Variants in TTLL5 observed in about 807,000 individuals in gnomAD.
The protein encoded by TTLL5 is tubulin tyrosine ligase like 5.
TTLL5 carries 132 observed loss-of-function variants against 168.4 expected under a neutral mutation model. That is an observed-to-expected ratio of 0.78 (90% CI 0.68 to 0.91). TTLL5 has a LOEUF of 0.91. TTLL5 is among the 40% of genes least tolerant of loss of function. TTLL5 has a pLI of 0.00. For synonymous variants in TTLL5, 546 were observed against 558.6 expected, an observed-to-expected ratio of 0.98 and a Z score of 0.32; for missense variants, 1,545 against 1,581.5, an observed-to-expected ratio of 0.98 and a Z score of 0.39.
chr14:75,876,639 G>A (rs74067054), intron 29 of TTLL5, among the ~76,000 whole-genome samples: 2,674 of 152,314 alleles, frequency 0.018, 75 homozygotes, highest in African/African-American at 0.061. Context: ...TCCTATTGGA[G>A]TCGTAGTACT....
chr14:75,707,751 A>G (rs772590814), intron 9 of TTLL5, 44 bp downstream of exon 9: 1 of 1,413,048 alleles, frequency 7.1e-7, no homozygotes, highest in Non-Finnish European at 1.0e-6. Flanking sequence ...GGGTATATTA[A>G]GGGTGGGTAT....
At chr14:75,699,770 C>G (rs1886130340) in intron 7 of TTLL5, among the ~76,000 whole-genome samples, 1 of 152,096 alleles carries the variant, frequency 6.6e-6, no homozygotes, top group Admixed American at 6.6e-5. Flanking sequence ...CATTTCTCCT[C>G]TTTTTTCAAA....
intron 31 of TTLL5, among the ~76,000 whole-genome samples, chr14:75,921,652 G>A (rs2033828257): frequency 6.6e-6 from 1 of 152,200 alleles, no homozygotes; most frequent in Non-Finnish European, 1.5e-5. Flanking sequence ...TTGAAGTCAG[G>A]TAGTGCGATG....
chr14:75,804,318 A>G (rs1362488259), intron 27 of TTLL5, among the ~76,000 whole-genome samples: 1 of 152,240 alleles, frequency 6.6e-6, no homozygotes, highest in Non-Finnish European at 1.5e-5. Flanking sequence ...CACTCTCTCT[A>G]TACAAAGGAA....
At chr14:75,906,796 G>T in intron 31 of TTLL5, 1 of 925,272 alleles carries the variant, frequency 1.1e-6, no homozygotes, top group Non-Finnish European at 1.3e-6. Context: ...GTGAAGTTGG[G>T]GCTTTATAAA....
At chr14:75,918,514 G>A (rs1041787665) in intron 31 of TTLL5, among the ~76,000 whole-genome samples, 1 of 152,000 alleles carries the variant, frequency 6.6e-6, no homozygotes, top group African/African-American at 2.4e-5. Flanking sequence ...ATGGAGTTGG[G>A]GGTCCCTATT....
intron 12 of TTLL5, among the ~76,000 whole-genome samples, chr14:75,729,921 T>C (rs1246005824): frequency 6.6e-6 from 1 of 152,250 alleles, no homozygotes; most frequent in East Asian, 1.9e-4. Flanking sequence ...AATGGTTAAG[T>C]AAACCTGTAG....
intron 5 of TTLL5, among the ~76,000 whole-genome samples, chr14:75,687,299 A>T (rs1450342758): frequency 6.6e-6 from 1 of 152,146 alleles, no homozygotes. Flanking sequence ...GTGGGGGGAC[A>T]GTTTCGCTCT....
At chr14:75,720,233 A>G (rs954191606) in intron 11 of TTLL5, among the ~76,000 whole-genome samples, 1 of 152,216 alleles carries the variant, frequency 6.6e-6, no homozygotes, top group Non-Finnish European at 1.5e-5. Flanking sequence ...CTTCAAATCA[A>G]AATGGACACA....
intron 31 of TTLL5, among the ~76,000 whole-genome samples, chr14:75,925,399 TCCTCACATCCCAGACGGGGCGGCG>T (rs1375320577): frequency 2.7e-4 from 7 of 26,264 alleles, no homozygotes; most frequent in African/African-American, 1.1e-3. Context: ...GCAGAGGCGC[TCCTCACATCCCAGACGGGGCGGCG>T]GGGCAGAGGC....
chr14:75,923,554 A>G (rs990016306), intron 31 of TTLL5, among the ~76,000 whole-genome samples: 7 of 151,918 alleles, frequency 4.6e-5, no homozygotes, highest in African/African-American at 1.7e-4. Context: ...TTCTAATTTG[A>G]TTGCACTGTG....
rs750021762 is a variant in TTLL5, at chr14:75,699,280, C to G, written c.585+10C>G. ...CTACCTGATCAACAATGTAAGTATG[C>G]AGCAGATGGCAAACCTCTCTCCTCA... On this transcript the variant is annotated intron_variant, in intron 7 of 31. Coordinates refer to ENST00000298832, the MANE Select transcript of TTLL5 (RefSeq NM_015072.5). 1.2e-5 allele frequency: 19 copies of G among 1,610,568 alleles called. No individual in the cohort carries two copies. The highest frequency in any genetic ancestry group is 1.6e-5 in the Non-Finnish European group (19 of 1,176,896).
chr14:75,899,957 T>A (rs1301317255), intron 30 of TTLL5, among the ~76,000 whole-genome samples: 273 of 110,692 alleles, frequency 2.5e-3, no homozygotes, highest in African/African-American at 8.7e-3. Context: ...TTTTTTTTTT[T>A]AAACCACTAA....
intron 15 of TTLL5, among the ~76,000 whole-genome samples, chr14:75,744,044 A>G (rs181987325): frequency 6.6e-6 from 1 of 152,206 alleles, no homozygotes; most frequent in South Asian, 2.1e-4. Context: ...CATTCAGTCC[A>G]TAACAACGGG....
At chr14:75,819,310 A>T (rs778629521) in intron 27 of TTLL5, among the ~76,000 whole-genome samples, 72 of 152,366 alleles carry the variant, frequency 4.7e-4, no homozygotes, top group Non-Finnish European at 9.0e-4. Context: ...CTACCAATTT[A>T]TAGTCACACA....
intron 10 of TTLL5, 74 bp downstream of exon 10, chr14:75,718,036 C>A: frequency 7.5e-7 from 1 of 1,340,940 alleles, no homozygotes; most frequent in Non-Finnish European, 1.1e-6. Flanking sequence ...GGAAAGGTAA[C>A]ATGTGGCACT....
intron 27 of TTLL5, among the ~76,000 whole-genome samples, chr14:75,819,298 T>G (rs1379733179): frequency 6.6e-6 from 1 of 152,252 alleles, no homozygotes; most frequent in African/African-American, 2.4e-5. Flanking sequence ...TCTAGGAAGA[T>G]TCTACCAATT....
chr14:75,863,517 G>T, intron 28 of TTLL5, 150 bp from the exon 29 acceptor site: 1 of 695,370 alleles, frequency 1.4e-6, no homozygotes, highest in East Asian at 2.8e-5. Context: ...CGGTTTAGTG[G>T]GGGAGTGAGA....
intron 12 of TTLL5, among the ~76,000 whole-genome samples, chr14:75,724,135 G>T (rs780668382): frequency 3.3e-5 from 5 of 151,994 alleles, no homozygotes; most frequent in Non-Finnish European, 7.4e-5. Flanking sequence ...CATGGGGTTC[G>T]CTATATTCTT....
Sources: gnomAD v4.1 joint callset for allele counts (sites outside exome capture counted in the v4.1 genomes callset) on GRCh38, gnomAD v4.1.1 for gene constraint, MANE v1.5 for transcripts, NCBI Gene and HGNC (gene_info 2026-07-23, HGNC 2026-07-21) for gene names.